BMPR1A: variants seen among roughly 807,000 people sequenced by gnomAD.
BMPR1A encodes the protein bone morphogenetic protein receptor type-1A.
Under a neutral mutation model 66.0 loss-of-function variants are expected in BMPR1A, and 7 were observed. That is an observed-to-expected ratio of 0.11 (90% CI 0.06 to 0.20). BMPR1A has a LOEUF of 0.20. BMPR1A is among the 10% of genes least tolerant of loss of function. The probability of loss-of-function intolerance (pLI) is 1.00; values close to 1 mark genes in which losing one functional copy is unlikely to be tolerated. For missense variants in BMPR1A, 408 were observed against 669.1 expected, an observed-to-expected ratio of 0.61 and a Z score of 4.31; for synonymous variants, 200 against 229.7, an observed-to-expected ratio of 0.87 and a Z score of 1.17.
rs375230271 is a variant in BMPR1A, at chr10:86,766,680, A to G, written c.-268+9761A>G. Among the ~76,000 whole-genome samples, 6 of 140,652 alleles carry G rather than the reference A, an allele frequency of 4.3e-5. No individual in the cohort carries two copies. In the East Asian group the frequency reaches 6.1e-4, roughly 14 times the overall value. The allele number at this position is 140,652 out of a possible 152,430, so 92.3% of individuals were successfully genotyped here. A position where few individuals can be genotyped will look rare whatever the true frequency, so the allele number is the denominator to read the frequency against. ...ACCCAGGCGGGAGTGCAGTGGCGCT[A>G]TCTCTGCTCACAGCAAGCTCCGCCT... On this transcript the variant is annotated intron_variant, in intron 1 of 12. Transcript: ENST00000372037.
intron 9 of BMPR1A, among the ~76,000 whole-genome samples, chr10:86,918,260 C>T (rs1843606553): frequency 6.6e-6 from 1 of 152,070 alleles, no homozygotes; most frequent in South Asian, 2.1e-4. Context: ...CAAATAAGGT[C>T]ACGTTTATAG....
intron 3 of BMPR1A, among the ~76,000 whole-genome samples, chr10:86,885,886 C>T (rs927524082): frequency 6.6e-6 from 1 of 152,092 alleles, no homozygotes; most frequent in African/African-American, 2.4e-5. Flanking sequence ...ATTACTTAGC[C>T]AGGAATAAAA....
intron 5 of BMPR1A, 130 bp downstream of exon 5, chr10:86,892,359 T>A: frequency 1.4e-6 from 1 of 698,504 alleles, no homozygotes; most frequent in South Asian, 1.7e-5. Context: ...ATTGGAGGAA[T>A]ACCTACTGTC....
intron 2 of BMPR1A, among the ~76,000 whole-genome samples, chr10:86,865,054 C>G (rs1310176019): frequency 6.7e-6 from 1 of 148,326 alleles, no homozygotes; most frequent in Non-Finnish European, 1.5e-5. Flanking sequence ...GCGGGAATGT[C>G]AGGCCTCTGA....
chr10:86,903,093 G>C (rs1843334574), intron 7 of BMPR1A, among the ~76,000 whole-genome samples: 1 of 151,994 alleles, frequency 6.6e-6, no homozygotes, highest in African/African-American at 2.4e-5. Flanking sequence ...AAACTCAACA[G>C]TATTTATAGG....
At chr10:86,800,336 G>A (rs1175650193) in intron 1 of BMPR1A, among the ~76,000 whole-genome samples, 1 of 152,122 alleles carries the variant, frequency 6.6e-6, no homozygotes, top group African/African-American at 2.4e-5. Context: ...AGCCGAGGGG[G>A]GAGTGATAGT....
At chr10:86,793,878 T>A (rs1313176812) in intron 1 of BMPR1A, among the ~76,000 whole-genome samples, 1 of 152,228 alleles carries the variant, frequency 6.6e-6, no homozygotes, top group African/African-American at 2.4e-5. Context: ...GTATGGATTC[T>A]GTGCCTCTTA....
intron 2 of BMPR1A, among the ~76,000 whole-genome samples, chr10:86,857,663 G>A (rs1056276918): frequency 2.0e-5 from 3 of 151,092 alleles, no homozygotes; most frequent in Non-Finnish European, 4.4e-5. Context: ...TGGTTGGCAG[G>A]AGGCCTCAGT....
At position 86,917,207 on chromosome 10, in the gene BMPR1A, T is replaced by C. The variant is rs587780783; in HGVS notation, c.749T>C (p.Met250Thr). 17 of 1,613,986 alleles carry C rather than the reference T, an allele frequency of 1.1e-5. No individual in the cohort carries two copies. In the Admixed American group the frequency reaches 1.8e-4, roughly 17 times the overall value. Residue 250 changes from methionine to threonine, a missense_variant, in exon 9 of 13, where the codon ATG becomes ACG. This residue lies in a region of BMPR1A where 174 missense variants were observed against 265.1 expected (regional missense o/e 0.66). Coordinates refer to ENST00000372037, the MANE Select transcript of BMPR1A (RefSeq NM_004329.3). ...AAAGGCCGATATGGAGAAGTATGGA[T>C]GGGCAAATGGCGTGGCGAAAAAGTG... ...VGKGRYGEVW[M>T]GKWRGEKVAV...
chr10:86,852,803 T>C (rs1842589288), intron 2 of BMPR1A, among the ~76,000 whole-genome samples: 1 of 152,206 alleles, frequency 6.6e-6, no homozygotes, highest in African/African-American at 2.4e-5. Flanking sequence ...TCATTTAATC[T>C]TCACAAAGCC....
intron 1 of BMPR1A, among the ~76,000 whole-genome samples, chr10:86,786,748 G>A (rs1841523957): frequency 6.6e-6 from 1 of 152,170 alleles, no homozygotes; most frequent in African/African-American, 2.4e-5. Context: ...GCAGACTTAT[G>A]TTCCACCTGG....
At chr10:86,835,227 C>A (rs1421051583) in intron 1 of BMPR1A, among the ~76,000 whole-genome samples, 4 of 147,182 alleles carry the variant, frequency 2.7e-5, no homozygotes, top group African/African-American at 5.0e-5. Context: ...AGAGTGAGAC[C>A]CTGTCTTTAA....
rs189903672 is a variant in BMPR1A, at chr10:86,905,368, C to G, written c.530+5242C>G. Among the ~76,000 whole-genome samples the G allele has an allele frequency of 1.9e-3, 286 of 152,296 alleles. 2 individuals carry two copies. The highest frequency in any genetic ancestry group is 6.8e-3 in the African/African-American group (282 of 41,560). ...GATCCTATGATCTGCCCCCATAACACTTACTAATTTTATCTTGCATTTTTT... is the reference window on the plus strand; with the variant it reads ...GATCCTATGATCTGCCCCCATAACAGTTACTAATTTTATCTTGCATTTTTT... On this transcript the variant is annotated intron_variant, in intron 7 of 12. Coordinates refer to ENST00000372037, the MANE Select transcript of BMPR1A (RefSeq NM_004329.3).
intron 1 of BMPR1A, among the ~76,000 whole-genome samples, chr10:86,816,801 A>G (rs1564693781): frequency 6.6e-6 from 1 of 152,214 alleles, no homozygotes; most frequent in Non-Finnish European, 1.5e-5. Context: ...AGCCTCACCT[A>G]CATGCAGAGA....
chr10:86,918,618 TTTTCTTTTC>T (rs1843611353), intron 9 of BMPR1A, among the ~76,000 whole-genome samples: 1 of 150,470 alleles, frequency 6.6e-6, no homozygotes, highest in African/African-American at 2.5e-5. Context: ...TTTTCTTTCC[TTTTCTTTTC>T]TTTTTTTTTT....
chr10:86,785,450 C>T (rs1172694342), intron 1 of BMPR1A, among the ~76,000 whole-genome samples: 2 of 152,164 alleles, frequency 1.3e-5, no homozygotes, highest in African/African-American at 2.4e-5. Context: ...GGATTATAGG[C>T]ATGTGCCACC....
chr10:86,867,752 AGGTCCT>A (rs1842804020), intron 2 of BMPR1A, among the ~76,000 whole-genome samples: 1 of 152,190 alleles, frequency 6.6e-6, no homozygotes, highest in South Asian at 2.1e-4. Flanking sequence ...TCTAATGTTG[AGGTCCT>A]GGTGAAGGGT....
chr10:86,881,033 A>T (rs1243264172), intron 3 of BMPR1A, among the ~76,000 whole-genome samples: 1 of 149,350 alleles, frequency 6.7e-6, no homozygotes, highest in Non-Finnish European at 1.5e-5. Context: ...GAGTCCCTTT[A>T]AAAAAAAAAT....
intron 7 of BMPR1A, among the ~76,000 whole-genome samples, chr10:86,903,643 G>A (rs543590484): frequency 2.6e-5 from 4 of 151,406 alleles, no homozygotes; most frequent in Admixed American, 1.3e-4. Flanking sequence ...ACAGAGTCTC[G>A]CTCTGTCGCC....
Sources: allele counts gnomAD v4.1 joint callset (sites outside exome capture counted in the v4.1 genomes callset), GRCh38; gene constraint gnomAD v4.1.1; regional missense constraint gnomAD v4.1.1; transcripts MANE v1.5; gene names NCBI Gene and HGNC (gene_info 2026-07-23, HGNC 2026-07-21).